PRUNE2: variants seen among roughly 807,000 people sequenced by gnomAD.
The protein encoded by PRUNE2 is prune homolog 2 with BCH domain.
Under a neutral mutation model 252.0 loss-of-function variants are expected in PRUNE2, and 164 were observed. The observed-to-expected ratio is 0.65, with a 90% CI of 0.57 to 0.74. The LOEUF (loss-of-function observed/expected upper bound fraction) is 0.74. PRUNE2 is among the 30% of genes least tolerant of loss of function. The pLI is 0.00. For missense variants in PRUNE2, 3,495 were observed against 3,711.0 expected (o/e 0.94, Z 1.51); for synonymous variants, 1,292 against 1,350.2 (o/e 0.96, Z 0.94).
intron 2 of PRUNE2, among the ~76,000 whole-genome samples, chr9:76,850,928 A>T (rs1459449902): frequency 1.3e-5 from 2 of 152,062 alleles, no homozygotes; most frequent in East Asian, 3.9e-4. Context: ...ACCCTGCACC[A>T]TTTGTATATA....
chr9:76,810,033 T>A (rs1231327560), intron 6 of PRUNE2, among the ~76,000 whole-genome samples: 1 of 152,218 alleles, frequency 6.6e-6, no homozygotes, highest in Non-Finnish European at 1.5e-5. Context: ...GTTTCCCTTT[T>A]GGTTTGGGAT....
At chr9:76,810,562 A>G (rs2057289883) in intron 6 of PRUNE2, among the ~76,000 whole-genome samples, 1 of 152,210 alleles carries the variant, frequency 6.6e-6, no homozygotes, top group Non-Finnish European at 1.5e-5. Context: ...ACTGACCTGT[A>G]ATAATCCACT....
Position 76,846,597 on chromosome 9 carries a change from C to T in PRUNE2, c.426G>A (p.Glu142=), listed in dbSNP as rs1169742302. The T allele has an allele frequency of 9.9e-6, 16 of 1,614,032 alleles. No homozygotes were observed. Among genetic ancestry groups the T allele is most frequent in the East Asian group, 2.2e-5 (1 of 44,882 alleles). Residue 142 remains glutamate, a synonymous_variant, in exon 4 of 19, where the codon GAG becomes GAA. Coordinates refer to ENST00000376718, the MANE Select transcript of PRUNE2 (RefSeq NM_015225.3). ...EQSDANVEFR[E]SSSSLVLKEI... The stretch of plus-strand genomic sequence containing the variant: ...CCTTTAGCACGAGAGAAGAGGAAGA[C>T]TCTCGGAACTCAACGTTGGCATCGC...
chr9:76,903,973 C>T (rs1338634475), intron 1 of PRUNE2, among the ~76,000 whole-genome samples: 1 of 152,176 alleles, frequency 6.6e-6, no homozygotes, highest in Non-Finnish European at 1.5e-5. Context: ...AGGTTATCTA[C>T]CCTCTAAAGG....
chr9:76,704,997 G>A lies in PRUNE2; in HGVS notation c.7277C>T (p.Ala2426Val). The A allele has an allele frequency of 1.2e-6, 2 of 1,613,764 alleles. No homozygotes were observed. Among genetic ancestry groups the A allele is most frequent in the Non-Finnish European group, 1.7e-6 (2 of 1,179,744 alleles). The change falls in exon 8 of 19, where the codon GCA (alanine) becomes GTA (valine). Residue 2426 changes from alanine to valine, a missense_variant. Coordinates refer to ENST00000376718, the MANE Select transcript of PRUNE2 (RefSeq NM_015225.3). The stretch of plus-strand genomic sequence containing the variant: ...AAGTGCAGAAAGCACTATCTCTGCT[G>A]CTCTGCATCCCAGAGATTCATCCTC... ...SPEDESLGCR[A>V]AEIVLSALPD...
At chr9:76,891,569 G>A (rs906869883) in intron 1 of PRUNE2, among the ~76,000 whole-genome samples, 1 of 152,172 alleles carries the variant, frequency 6.6e-6, no homozygotes, top group African/African-American at 2.4e-5. Flanking sequence ...AGCTTGATGC[G>A]TATGTTTTCC....
chr9:76,809,443 A>G (rs1462512125), intron 6 of PRUNE2, among the ~76,000 whole-genome samples: 1 of 152,216 alleles, frequency 6.6e-6, no homozygotes, highest in Admixed American at 6.5e-5. Context: ...CACGCCTGTA[A>G]TCCTAGCACT....
intron 4 of PRUNE2, among the ~76,000 whole-genome samples, chr9:76,839,109 C>T (rs1011121774): frequency 1.3e-5 from 2 of 151,944 alleles, no homozygotes; most frequent in Non-Finnish European, 2.9e-5. Flanking sequence ...AAATTTTACA[C>T]ATTAAGAATG....
chr9:76,827,407 TG>T (rs2058407276), intron 4 of PRUNE2, among the ~76,000 whole-genome samples: 1 of 152,222 alleles, frequency 6.6e-6, no homozygotes. Context: ...CTGTGACTTC[TG>T]TGGATAATCT....
At chr9:76,899,257 G>A (rs1457154167) in intron 1 of PRUNE2, among the ~76,000 whole-genome samples, 1 of 152,176 alleles carries the variant, frequency 6.6e-6, no homozygotes, top group African/African-American at 2.4e-5. Flanking sequence ...GAGGCTTTTA[G>A]TGCCCCATTC....
At chr9:76,741,796 G>A (rs1243145609) in intron 6 of PRUNE2, among the ~76,000 whole-genome samples, 1 of 152,174 alleles carries the variant, frequency 6.6e-6, no homozygotes, top group Non-Finnish European at 1.5e-5. Flanking sequence ...TTATTTGCCT[G>A]TTGCCTCCTT....
At chr9:76,768,596 T>G (rs1325742567) in intron 6 of PRUNE2, among the ~76,000 whole-genome samples, 1 of 144,234 alleles carries the variant, frequency 6.9e-6, no homozygotes, top group African/African-American at 2.7e-5. Context: ...TGTGTGTGTG[T>G]GTGTGTGTGT....
At position 76,706,867 on chromosome 9, in the gene PRUNE2, A is replaced by T. The variant is rs767436183; in HGVS notation, c.5407T>A (p.Ser1803Thr). ...TTCTTTGGGAACGAAGCTTTGGGAG[A>T]TATTTGCCATGCAACATCTCCTGTT... Reference protein sequence around the residue: ...GTTGDVAWQISPKASFPKNED... With the variant: ...GTTGDVAWQITPKASFPKNED... The change falls in exon 8 of 19, where the codon TCT becomes ACT. Residue 1803 changes from serine (S) to threonine (T), a missense_variant. Coordinates refer to ENST00000376718, the MANE Select transcript of PRUNE2 (RefSeq NM_015225.3). The T allele has an allele frequency of 6.3e-7, 1 of 1,594,672 alleles. No individual in the cohort carries two copies. Among genetic ancestry groups the T allele is most frequent in the Non-Finnish European group, 8.5e-7 (1 of 1,170,778 alleles).
chr9:76,710,986 G>A lies in PRUNE2; in HGVS notation c.1288C>T (p.Leu430=), dbSNP rs755501662. 3.1e-6 allele frequency: 5 copies of A among 1,611,532 alleles called. 1 individual carries two copies. In the South Asian group the frequency reaches 5.5e-5, roughly 18 times the overall value. ...NVDLVSPDSG[L]ATIRSSRSSK... The stretch of plus-strand genomic sequence containing the variant: ...GAGCGGCTGCTCCTAATGGTAGCCA[G>A]TCCGCTGTCTGGGCTAACAAGGTCT... The change falls in exon 8 of 19, where the codon CTG becomes TTG. Residue 430 remains leucine (L), a synonymous_variant. Transcript: ENST00000376718.
At chr9:76,795,399 G>T (rs931939143) in intron 6 of PRUNE2, among the ~76,000 whole-genome samples, 3 of 152,148 alleles carry the variant, frequency 2.0e-5, no homozygotes, top group Non-Finnish European at 2.9e-5. Flanking sequence ...TTTGAGAGGG[G>T]TCTTATTTCT....
chr9:76,899,793 G>A (rs1274827803), intron 1 of PRUNE2, among the ~76,000 whole-genome samples: 1 of 152,212 alleles, frequency 6.6e-6, no homozygotes, highest in African/African-American at 2.4e-5. Flanking sequence ...CAAGAAGCAG[G>A]TGAGGGGGCT....
chr9:76,615,731 C>T (rs1020775707), intron 18 of PRUNE2, among the ~76,000 whole-genome samples: 2 of 149,162 alleles, frequency 1.3e-5, no homozygotes, highest in Middle Eastern at 3.3e-3. Context: ...AGCAATAGTA[C>T]CTCGGTGGAT....
intron 9 of PRUNE2, among the ~76,000 whole-genome samples, chr9:76,658,273 G>A (rs1267311870): frequency 6.6e-6 from 1 of 152,166 alleles, no homozygotes; most frequent in Non-Finnish European, 1.5e-5. Context: ...CAGGAGAATT[G>A]CTTAAACCTG....
rs765013046 is a variant in PRUNE2, at chr9:76,707,792, G to A, written c.4482C>T (p.Val1494=). 3 of 1,613,412 alleles carry A rather than the reference G, an allele frequency of 1.9e-6. No individual in the cohort carries two copies. The stretch of plus-strand genomic sequence containing the variant: ...TGACATGCACATCACTGTCTATAGG[G>A]ACGTCCCCAAAATCAAGACTTCGGG... The part of the protein sequence containing the change: ...RVPRSLDFGD[V]PIDSDVHVSS... The change falls in exon 8 of 19, where the codon GTC becomes GTT. Residue 1494 remains valine (V), a synonymous_variant. Coordinates refer to ENST00000376718, the MANE Select transcript of PRUNE2 (RefSeq NM_015225.3).
Sources: gnomAD v4.1 joint callset for allele counts (sites outside exome capture counted in the v4.1 genomes callset) on GRCh38, gnomAD v4.1.1 for gene constraint, MANE v1.5 for transcripts, NCBI Gene and HGNC (gene_info 2026-07-23, HGNC 2026-07-21) for gene names.